The following ETFBKMT variants were observed in gnomAD, a reference collection of about 807,000 sequenced individuals.
The protein encoded by ETFBKMT is electron transfer flavoprotein beta subunit lysine methyltransferase.
Under a neutral mutation model 18.3 loss-of-function variants are expected in ETFBKMT, and 13 were observed. The observed-to-expected ratio is 0.71, with a 90% CI of 0.46 to 1.13. The LOEUF (loss-of-function observed/expected upper bound fraction) is 1.13. ETFBKMT is among the 50% of genes most tolerant of loss of function. The pLI, the probability that ETFBKMT is intolerant of heterozygous loss-of-function variation, is 0.00. For missense variants in ETFBKMT, 293 were observed against 306.2 expected (o/e 0.96, Z 0.32); for synonymous variants, 84 against 107.9 (o/e 0.78, Z 1.37).
At position 31,668,189 on chromosome 12, in the gene ETFBKMT, C is replaced by T; in HGVS notation, c.*199C>T. On this transcript the variant is annotated 3_prime_UTR_variant, in exon 4 of 4. Transcript: ENST00000357721. ...TGTATTTCTATGCATGCCAATTATA[C>T]ACATCTCTATCTGCATTTTTTTTTC... is the stretch of plus-strand genomic sequence containing the variant. The T allele has an allele frequency of 1.9e-6, 1 of 523,444 alleles. No homozygotes were observed. The highest frequency in any genetic ancestry group is 3.3e-6 in the Non-Finnish European group (1 of 299,702). 32.4% of individuals were successfully genotyped at this position (523,444 alleles called of 1,614,324 possible).
Position 31,672,636 on chromosome 12 carries a change from C to T in ETFBKMT, c.*4646C>T, listed in dbSNP as rs1341949659. The T allele has an allele frequency of 6.0e-6, 2 of 330,676 alleles. No individual in the cohort carries two copies. The highest frequency in any genetic ancestry group is 4.3e-5 in the African/African-American group (2 of 46,664). 20.5% of individuals were successfully genotyped at this position (330,676 alleles called of 1,614,324 possible). A position where few individuals can be genotyped will look rare whatever the true frequency, so the allele number is the denominator to read the frequency against. ...GCATTTGTTGTTTTCTCTGTAATTTCATCATAATTCCACCAACCAGAGTAA... is the reference window on the plus strand; with the variant it reads ...GCATTTGTTGTTTTCTCTGTAATTTTATCATAATTCCACCAACCAGAGTAA... On this transcript the variant is annotated 3_prime_UTR_variant, in exon 4 of 4. Transcript: ENST00000357721.
Position 31,666,208 on chromosome 12 carries a change from A to C in ETFBKMT, c.436A>C (p.Ile146Leu). The C allele has an allele frequency of 6.2e-7, 1 of 1,613,130 alleles. No homozygotes were observed. Among genetic ancestry groups the C allele is most frequent in the Non-Finnish European group, 8.5e-7 (1 of 1,179,718 alleles). Residue 146 changes from isoleucine to leucine, a missense_variant, in exon 3 of 4, where the codon ATA (isoleucine) becomes CTA (leucine). Coordinates refer to ENST00000357721, the MANE Select transcript of ETFBKMT (RefSeq NM_001135863.2). ...SGASRILAND[I>L]DPIAGMAITL... The stretch of plus-strand genomic sequence containing the variant: ...GGCATCAAGGATCTTGGCCAATGAC[A>C]TAGACCCTAGTAAGGATTCATATTT...
Position 31,671,934 on chromosome 12 carries a change from C to G in ETFBKMT, c.*3944C>G, listed in dbSNP as rs569995036. 6.1e-6 allele frequency: 1 copy of G among 163,566 alleles called. No homozygotes were observed. The highest frequency in any genetic ancestry group is 1.3e-5 in the Non-Finnish European group (1 of 75,206). 10.1% of individuals were successfully genotyped at this position (163,566 alleles called of 1,614,324 possible). ...TAGATTCTCCCAAGGTTTATACTTA[C>G]AGGTAAACTTAGAACAATAGCTCAA... On this transcript the variant is annotated 3_prime_UTR_variant, in exon 4 of 4. Coordinates refer to ENST00000357721, the MANE Select transcript of ETFBKMT (RefSeq NM_001135863.2).
At chr12:31,655,257 C>A (rs1951051929), upstream of ETFBKMT, among the ~76,000 whole-genome samples, 1 of 152,124 alleles carries the variant, frequency 6.6e-6, no homozygotes, top group African/African-American at 2.4e-5. Flanking sequence ...GAAAATTAAG[C>A]CTGCTTACTT....
intron 1 of ETFBKMT, among the ~76,000 whole-genome samples, chr12:31,661,151 T>C (rs1204095252): frequency 1.3e-5 from 2 of 152,224 alleles, no homozygotes; most frequent in African/African-American, 4.8e-5. Flanking sequence ...GCCTAGTTTA[T>C]ATACAAATAT....
At chr12:31,658,903 A>T (rs1951084822), upstream of ETFBKMT, among the ~76,000 whole-genome samples, 1 of 150,722 alleles carries the variant, frequency 6.6e-6, no homozygotes, top group South Asian at 2.1e-4. Flanking sequence ...GAATGTAGGC[A>T]GCACAGAGGG....
chr12:31,665,202 C>T (rs1951178697), intron 2 of ETFBKMT, among the ~76,000 whole-genome samples: 1 of 152,182 alleles, frequency 6.6e-6, no homozygotes, highest in Non-Finnish European at 1.5e-5. Context: ...TCCCAAAGTG[C>T]TGGGATTACA....
At chr12:31,664,899 C>T (rs546047299) in intron 2 of ETFBKMT, among the ~76,000 whole-genome samples, 1 of 150,466 alleles carries the variant, frequency 6.6e-6, no homozygotes, top group African/African-American at 2.4e-5. Flanking sequence ...CAGGCGTGAG[C>T]CACCACACCT....
chr12:31,661,881 C>A lies in ETFBKMT; in HGVS notation c.-73C>A. 1 of 1,409,318 alleles carries A rather than the reference C, an allele frequency of 7.1e-7. No individual in the cohort carries two copies. The highest frequency in any genetic ancestry group is 9.8e-7 in the Non-Finnish European group (1 of 1,017,726). 87.3% of individuals were successfully genotyped at this position (1,409,318 alleles called of 1,614,324 possible). ...TTGAGATCAAGTTGGGAGACACACC[C>A]TTGTTCATTCTCCTTGAGAAGCAGC... is the stretch of plus-strand genomic sequence containing the variant. On this transcript the variant is annotated 5_prime_UTR_variant, in exon 2 of 4. Transcript: ENST00000357721.
At position 31,651,720 on chromosome 12, in the gene ETFBKMT, C is replaced by T. The variant is rs144538042; in HGVS notation, c.-114+4465C>T. Among the ~76,000 whole-genome samples, 1,073 of 152,278 alleles carry T rather than the reference C, an allele frequency of 7.0e-3. 16 individuals are homozygous for T. Among genetic ancestry groups the T allele is most frequent in the African/African-American group, 0.024 (1,016 of 41,552 alleles). On this transcript the variant is annotated intron_variant, in intron 1 of 3. Coordinates refer to the ETFBKMT transcript ENST00000412352. Reference sequence around the variant, plus strand: ...CAATGGACCTATACAGATAAACTTACTAAACGAACACTTACCTTTCACTAG... The same window carrying T: ...CAATGGACCTATACAGATAAACTTATTAAACGAACACTTACCTTTCACTAG...
chr12:31,662,969 C>T (rs1218807949), intron 2 of ETFBKMT, among the ~76,000 whole-genome samples: 1 of 152,100 alleles, frequency 6.6e-6, no homozygotes, highest in African/African-American at 2.4e-5. Flanking sequence ...CAAAGTTTCC[C>T]TCTTCTGTTG....
rs368310426 is a variant in ETFBKMT, at chr12:31,662,217, C to T, written c.264C>T (p.His88=). 3 of 1,614,130 alleles carry T rather than the reference C, an allele frequency of 1.9e-6. No individual in the cohort carries two copies. The African/African-American group carries it at 4.0e-5, about 22-fold the overall frequency. The change falls in exon 2 of 4, where the codon CAC becomes CAT. Residue 88 remains histidine, a synonymous_variant. Coordinates refer to ENST00000357721, the MANE Select transcript of ETFBKMT (RefSeq NM_001135863.2). The part of the protein sequence containing the change: ...FWWERADLWP[H]SDPYWAIYWP... ...GGGAGAGAGCTGACCTGTGGCCCCA[C>T]AGTGATCCTTACTGGGCAATCTACT...
intron 3 of ETFBKMT, among the ~76,000 whole-genome samples, chr12:31,667,275 G>A (rs144980295): frequency 5.3e-5 from 8 of 152,334 alleles, no homozygotes; most frequent in Admixed American, 1.3e-4. Flanking sequence ...GATTATAGGC[G>A]TGAGCCACTG....
In ETFBKMT at chr12:31,662,105, TGGA is replaced by T. The variant is rs2139621155; in HGVS notation, c.157_159del (p.Glu53del). 1 of 1,614,208 alleles carries T rather than the reference TGGA, an allele frequency of 6.2e-7. No individual in the cohort carries two copies. Among genetic ancestry groups the T allele is most frequent in the Non-Finnish European group, 8.5e-7 (1 of 1,180,016 alleles). Reference sequence around the variant, plus strand: ...TTGGACCCTGAGATAAAGGCTTTCCTGGAGGAGAACACTGAAGTCACCAGCAGT... The same window carrying T: ...TTGGACCCTGAGATAAAGGCTTTCCTGGAGAACACTGAAGTCACCAGCAGT... On this transcript the variant is annotated inframe_deletion, in exon 2 of 4. Coordinates refer to ENST00000357721, the MANE Select transcript of ETFBKMT (RefSeq NM_001135863.2).
Position 31,671,237 on chromosome 12 carries a change from T to C in ETFBKMT, c.*3247T>C, listed in dbSNP as rs1268561713. On this transcript the variant is annotated 3_prime_UTR_variant, in exon 4 of 4. Coordinates refer to ENST00000357721, the MANE Select transcript of ETFBKMT (RefSeq NM_001135863.2). ...TACCCATTTTGCACATATATACATA[T>C]GCACCACCTTTGCAGTGGCAACATA... 6.6e-6 allele frequency: 1 copy of C among 152,216 alleles called. No homozygotes were observed. The highest frequency in any genetic ancestry group is 6.5e-5 in the Admixed American group (1 of 15,272). The allele number at this position is 152,216 out of a possible 1,614,324, so 9.4% of individuals were successfully genotyped here.
intron 1 of ETFBKMT, among the ~76,000 whole-genome samples, 155 bp from the exon 2 acceptor site, chr12:31,661,686 C>T (rs1951125977): frequency 6.6e-6 from 1 of 152,116 alleles, no homozygotes; most frequent in Admixed American, 6.5e-5. Flanking sequence ...GTCTTGAACA[C>T]CTGACCTCGT....
intron 1 of ETFBKMT, among the ~76,000 whole-genome samples, chr12:31,648,969 G>A (rs920479436): frequency 2.8e-5 from 4 of 142,442 alleles, no homozygotes; most frequent in African/African-American, 7.5e-5. Flanking sequence ...GAGCCACCAC[G>A]CCCGACCAAT....
rs141097213 is a variant in ETFBKMT, at chr12:31,669,820, C to CTT, written c.*1845_*1846dup. The CTT allele has an allele frequency of 0.11, 15,370 of 139,920 alleles. 1,057 individuals carry two copies. The highest frequency in any genetic ancestry group is 0.27 in the East Asian group (1,293 of 4,822). 8.7% of individuals were successfully genotyped at this position (139,920 alleles called of 1,614,324 possible). ...GGACAGATTCCTAGAGCTTTTGATT[C>CTT]TTTTTTTTTTTTTTTTGAGGCAGAG... On this transcript the variant is annotated 3_prime_UTR_variant, in exon 4 of 4. Transcript: ENST00000357721.
chr12:31,648,158 T>C (rs1950983005), intron 1 of ETFBKMT, among the ~76,000 whole-genome samples: 1 of 152,224 alleles, frequency 6.6e-6, no homozygotes, highest in East Asian at 1.9e-4. Flanking sequence ...AATATAGTAC[T>C]GAATATTCAC....
Sources: gnomAD v4.1 joint callset for allele counts (sites outside exome capture counted in the v4.1 genomes callset) on GRCh38, gnomAD v4.1.1 for gene constraint, MANE v1.5 for transcripts, NCBI Gene and HGNC (gene_info 2026-07-23, HGNC 2026-07-21) for gene names.